NR1H4: variants seen among roughly 807,000 people sequenced by gnomAD.
NR1H4 encodes the protein nuclear receptor subfamily 1 group H member 4, also known as bile acid receptor.
In NR1H4, 23 loss-of-function variants were observed where a neutral mutation model predicts 58.5. The ratio of observed to expected loss-of-function variants is 0.39; its 90% CI spans 0.28 to 0.56. NR1H4 has a LOEUF of 0.56. Among genes scored for constraint, NR1H4 ranks in the 20% least tolerant of loss-of-function variants. The pLI is 0.58. For synonymous variants in NR1H4, 214 were observed against 198.0 expected (o/e 1.08, Z -0.68); for missense variants, 487 against 576.9 (o/e 0.84, Z 1.60).
chr12:100,539,149 C>T (rs954111902), intron 8 of NR1H4, among the ~76,000 whole-genome samples: 1 of 152,004 alleles, frequency 6.6e-6, no homozygotes, highest in South Asian at 2.1e-4. Context: ...TGCCTAGCCT[C>T]GTTCCTGAGG....
chr12:100,505,096 G>T (rs1185390069), intron 3 of NR1H4, among the ~76,000 whole-genome samples: 1 of 148,702 alleles, frequency 6.7e-6, no homozygotes, highest in East Asian at 2.0e-4. Context: ...AGAAATAAAG[G>T]AAGGCAAAAA....
chr12:100,503,884 A>G (rs1300181076), intron 3 of NR1H4, among the ~76,000 whole-genome samples: 1 of 152,198 alleles, frequency 6.6e-6, no homozygotes, highest in African/African-American at 2.4e-5. Flanking sequence ...CACAAAATTT[A>G]TTTAGTGTCT....
At chr12:100,500,926 T>A (rs1192327696) in intron 3 of NR1H4, among the ~76,000 whole-genome samples, 1 of 152,114 alleles carries the variant, frequency 6.6e-6, no homozygotes, top group Non-Finnish European at 1.5e-5. Context: ...GACTAATAAA[T>A]AGCCATACAT....
At chr12:100,474,245 G>C (rs994272379) in intron 1 of NR1H4, among the ~76,000 whole-genome samples, 186 bp downstream of exon 1, 2 of 152,098 alleles carry the variant, frequency 1.3e-5, no homozygotes, top group African/African-American at 4.8e-5. Context: ...AGAAGCAGAA[G>C]CAAAAGTTAA....
intron 9 of NR1H4, among the ~76,000 whole-genome samples, chr12:100,560,617 C>T (rs1955447962): frequency 6.6e-6 from 1 of 152,134 alleles, no homozygotes; most frequent in South Asian, 2.1e-4. Flanking sequence ...CCAGATGTGC[C>T]ACCTTAAGAG....
In NR1H4 at chr12:100,510,607, T is replaced by TTATATATATATATATATA. The variant is rs34480475; in HGVS notation, c.80-160_80-143dup. ...TGAATTTTTAATTTGTCATTTAATT[T>TTATATATATATATATATA]TATATATATATATATATATATATAT... On this transcript the variant is annotated intron_variant, in intron 3 of 10. Coordinates refer to ENST00000392986, the MANE Select transcript of NR1H4 (RefSeq NM_001206979.2). Among the ~76,000 whole-genome samples the TTATATATATATATATATA allele has an allele frequency of 4.2e-3, 558 of 133,554 alleles. 6 individuals carry two copies. Among genetic ancestry groups the TTATATATATATATATATA allele is most frequent in the African/African-American group, 0.013 (448 of 35,692 alleles). The allele number at this position is 133,554 out of a possible 152,430, so 87.6% of individuals were successfully genotyped here.
chr12:100,557,932 C>T (rs1265452644), intron 9 of NR1H4, among the ~76,000 whole-genome samples: 1 of 152,176 alleles, frequency 6.6e-6, no homozygotes, highest in Non-Finnish European at 1.5e-5. Context: ...TAAGTCACAT[C>T]ACAGGTTTTT....
At chr12:100,553,611 G>A (rs1296905118) in intron 9 of NR1H4, among the ~76,000 whole-genome samples, 1 of 152,116 alleles carries the variant, frequency 6.6e-6, no homozygotes, top group African/African-American at 2.4e-5. Context: ...AACTCATTAT[G>A]GCCTAAAAAA....
In NR1H4 at chr12:100,536,597, T is replaced by A; in HGVS notation, c.818T>A (p.Ile273Lys). ...SYNKQRMPQEITNKILKEEFS... is the reference protein window; with the variant it reads ...SYNKQRMPQEKTNKILKEEFS... ...AACAAACAGAGGATGCCTCAGGAAA[T>A]AACAAATAAAATTGTATGTATAATA... Residue 273 changes from isoleucine to lysine, a missense_variant, in exon 7 of 11, where the codon ATA becomes AAA. By Grantham distance (102) the Ile-to-Lys change is moderately radical (BLOSUM62 -3). Transcript: ENST00000392986. The A allele has an allele frequency of 1.3e-6, 2 of 1,549,448 alleles. No homozygotes were observed. Among genetic ancestry groups the A allele is most frequent in the Non-Finnish European group, 1.8e-6 (2 of 1,121,402 alleles).
At chr12:100,537,598 A>G (rs1435234566) in intron 8 of NR1H4, among the ~76,000 whole-genome samples, 2 of 152,244 alleles carry the variant, frequency 1.3e-5, no homozygotes, top group Non-Finnish European at 2.9e-5. Context: ...TCTAGGAAAG[A>G]TGGAGAGACT....
chr12:100,527,558 G>A (rs185917746), intron 4 of NR1H4, among the ~76,000 whole-genome samples: 101 of 152,230 alleles, frequency 6.6e-4, no homozygotes, highest in Non-Finnish European at 1.0e-3. Flanking sequence ...AAAGAGTGTA[G>A]GGTGTGAGCT....
At chr12:100,549,800 T>C (rs1030618499) in intron 9 of NR1H4, among the ~76,000 whole-genome samples, 4 of 152,194 alleles carry the variant, frequency 2.6e-5, no homozygotes, top group African/African-American at 9.6e-5. Flanking sequence ...TTATCTATAA[T>C]GTTTTCATTT....
In NR1H4 at chr12:100,563,506, G is replaced by C; in HGVS notation, c.*17G>C. On this transcript the variant is annotated 3_prime_UTR_variant, in exon 11 of 11. Coordinates refer to ENST00000392986, the MANE Select transcript of NR1H4 (RefSeq NM_001206979.2). ...GTGCAGTGATGGGGATTACAGGGGAGGGGTCTAGCTCCTTTTTCTCTCTCA... is the reference window on the plus strand; with the variant it reads ...GTGCAGTGATGGGGATTACAGGGGACGGGTCTAGCTCCTTTTTCTCTCTCA... 6.3e-7 allele frequency: 1 copy of C among 1,577,186 alleles called. No homozygotes were observed.
Position 100,501,649 on chromosome 12 carries a change from C to T in NR1H4, c.79+8247C>T, listed in dbSNP as rs146237150. ...TCTGATGAGATAATGCATATGGAAC[C>T]GCTTTGGAAACTTGTGAAGGCTATA... On this transcript the variant is annotated intron_variant, in intron 3 of 10. Coordinates refer to ENST00000392986, the MANE Select transcript of NR1H4 (RefSeq NM_001206979.2). 1.8e-4 allele frequency among the ~76,000 whole-genome samples: 28 copies of T among 152,224 alleles called. 1 individual carries two copies. In the East Asian group the frequency reaches 3.7e-3, roughly 20 times the overall value.
At chr12:100,500,315 T>C (rs950126091) in intron 3 of NR1H4, among the ~76,000 whole-genome samples, 10 of 152,162 alleles carry the variant, frequency 6.6e-5, no homozygotes, top group Admixed American at 3.3e-4. Flanking sequence ...GGACCTCCCT[T>C]TTTTCATGCC....
At chr12:100,515,165 CTTTTTTT>C (rs59404984) in intron 4 of NR1H4, among the ~76,000 whole-genome samples, 1 of 94,860 alleles carries the variant, frequency 1.1e-5, no homozygotes, top group Non-Finnish European at 2.0e-5. Flanking sequence ...TTTGTCAAAG[CTTTTTTT>C]TTTTTTTTTT....
At chr12:100,548,061 G>GT (rs910415808) in intron 9 of NR1H4, among the ~76,000 whole-genome samples, 29 of 149,140 alleles carry the variant, frequency 1.9e-4, no homozygotes, top group African/African-American at 6.9e-4. Context: ...ATAAACACTT[G>GT]TTTTTTGCCT....
intron 9 of NR1H4, among the ~76,000 whole-genome samples, chr12:100,559,661 C>T (rs1955418299): frequency 6.6e-6 from 1 of 152,238 alleles, no homozygotes; most frequent in Admixed American, 6.5e-5. Context: ...CCTGAGCCTC[C>T]CACCCACTCC....
intron 1 of NR1H4, among the ~76,000 whole-genome samples, chr12:100,492,266 G>C (rs1268732320): frequency 1.3e-5 from 2 of 151,352 alleles, no homozygotes; most frequent in Non-Finnish European, 2.9e-5. Context: ...GAGAGAGAAA[G>C]AGAGATACGA....
Sources: gnomAD v4.1 joint callset for allele counts (sites outside exome capture counted in the v4.1 genomes callset) on GRCh38, gnomAD v4.1.1 for gene constraint, MANE v1.5 for transcripts, NCBI Gene and HGNC (gene_info 2026-07-23, HGNC 2026-07-21) for gene names.